The following CACNA1D variants were observed in gnomAD, a reference collection of about 807,000 sequenced individuals.
CACNA1D encodes the protein voltage-dependent L-type calcium channel subunit alpha-1D.
Under a neutral mutation model 257.1 loss-of-function variants are expected in CACNA1D, and 55 were observed. The ratio of observed to expected loss-of-function variants is 0.21; its 90% confidence interval spans 0.17 to 0.27. The LOEUF (loss-of-function observed/expected upper bound fraction) is 0.27. CACNA1D is among the 10% of genes least tolerant of loss of function. The pLI, the probability that CACNA1D is intolerant of heterozygous loss-of-function variation, is 1.00. For missense variants in CACNA1D, 1,876 were observed against 2,784.0 expected (o/e 0.67, Z 7.34); for synonymous variants, 980 against 1,014.9 (o/e 0.97, Z 0.65).
chr3:53,742,349 T>A (rs2095126007), intron 21 of CACNA1D, among the ~76,000 whole-genome samples: 1 of 152,198 alleles, frequency 6.6e-6, no homozygotes, highest in African/African-American at 2.4e-5. Flanking sequence ...CCAATAGAAA[T>A]CTCACTGAAG....
At position 53,504,062 on chromosome 3, in the gene CACNA1D, T is replaced by G. The variant is rs142955325; in HGVS notation, c.483+2342T>G. Reference sequence around the variant, plus strand: ...TGAGGGAGCTGGTTTTTTGTTTTTTTTTTTTTAAATACATTTGACCCAATT... The same window carrying G: ...TGAGGGAGCTGGTTTTTTGTTTTTTGTTTTTTAAATACATTTGACCCAATT... On this transcript the variant is annotated intron_variant, in intron 3 of 47. Coordinates refer to ENST00000350061, the MANE Select transcript of CACNA1D (RefSeq NM_001128840.3). 5.3e-5 allele frequency among the ~76,000 whole-genome samples: 8 copies of G among 152,184 alleles called. No individual in the cohort carries two copies. In the East Asian group the frequency reaches 7.7e-4, roughly 15 times the overall value.
In CACNA1D at chr3:53,587,196, A is replaced by G. The variant is rs944025197; in HGVS notation, c.484-63583A>G. On this transcript the variant is annotated intron_variant, in intron 3 of 47. Transcript: ENST00000350061. ...GAAACATGTGGGGAGGGGCAAGAACAAAACTGGAGAGCCAGAGCAGGCAGC... is the reference window on the plus strand; with the variant it reads ...GAAACATGTGGGGAGGGGCAAGAACGAAACTGGAGAGCCAGAGCAGGCAGC... 3.9e-5 allele frequency among the ~76,000 whole-genome samples: 6 copies of G among 152,362 alleles called. No homozygotes were observed. In the South Asian group the frequency reaches 1.2e-3, roughly 32 times the overall value.
chr3:53,593,263 A>G (rs1264481827), intron 3 of CACNA1D, among the ~76,000 whole-genome samples: 4 of 152,202 alleles, frequency 2.6e-5, no homozygotes, highest in African/African-American at 9.6e-5. Context: ...ATTTTATGAG[A>G]CAGTGTAATG....
chr3:53,507,564 G>A (rs2090910624), intron 3 of CACNA1D, among the ~76,000 whole-genome samples: 2 of 151,948 alleles, frequency 1.3e-5, no homozygotes. Context: ...ACTATAGTGA[G>A]CTGTGATTAT....
intron 22 of CACNA1D, among the ~76,000 whole-genome samples, chr3:53,744,008 A>C (rs2095142638): frequency 6.6e-6 from 1 of 152,144 alleles, no homozygotes; most frequent in Non-Finnish European, 1.5e-5. Flanking sequence ...CAGGCTGTTC[A>C]TGTCCAAGCT....
chr3:53,675,619 C>CGG (rs1436762406), intron 8 of CACNA1D, among the ~76,000 whole-genome samples: 2 of 151,708 alleles, frequency 1.3e-5, no homozygotes, highest in Non-Finnish European at 2.9e-5. Flanking sequence ...AAAAGATGGG[C>CGG]GGGGGGGCTT....
In CACNA1D at chr3:53,800,080, A is replaced by G. The variant is rs1464502932; in HGVS notation, c.4924-169A>G. On this transcript the variant is annotated intron_variant, in intron 40 of 47. Transcript: ENST00000350061. This position sits in a 1 kb window ranked among gnomAD's most constrained non-coding sequence, Gnocchi z 4.3. Reference sequence around the variant, plus strand: ...TTCTTGACCCTCTGGATGCCTGACCATACCAACAACCCTTAGACTGCCTTC... The same window carrying G: ...TTCTTGACCCTCTGGATGCCTGACCGTACCAACAACCCTTAGACTGCCTTC... 2 of 723,266 alleles carry G rather than the reference A, an allele frequency of 2.8e-6. No individual in the cohort carries two copies. Among genetic ancestry groups the G allele is most frequent in the African/African-American group, 1.7e-5 (1 of 57,902 alleles). The allele number at this position is 723,266 out of a possible 1,614,324, so 44.8% of individuals were successfully genotyped here. A position where few individuals can be genotyped will look rare whatever the true frequency, so the allele number is the denominator to read the frequency against.
intron 29 of CACNA1D, among the ~76,000 whole-genome samples, chr3:53,759,260 C>T (rs957858829): frequency 2.6e-5 from 4 of 152,228 alleles, no homozygotes; most frequent in African/African-American, 9.6e-5. Context: ...CATCACAGTG[C>T]ACCAGCATTG....
chr3:53,687,528 A>T (rs1413945557), intron 8 of CACNA1D, among the ~76,000 whole-genome samples: 1 of 152,140 alleles, frequency 6.6e-6, no homozygotes, highest in Admixed American at 6.5e-5. Context: ...TAAAAAAAAA[A>T]AAATAAGCTG....
intron 3 of CACNA1D, among the ~76,000 whole-genome samples, chr3:53,602,287 T>G (rs1262540790): frequency 6.6e-6 from 1 of 152,252 alleles, no homozygotes. Flanking sequence ...GTGACAGGGT[T>G]TCATTCTTTT....
chr3:53,743,312 G>A (rs1041215253), intron 22 of CACNA1D, among the ~76,000 whole-genome samples, 195 bp downstream of exon 22: 1 of 151,958 alleles, frequency 6.6e-6, no homozygotes, highest in African/African-American at 2.4e-5. Flanking sequence ...TTCTTTTTGT[G>A]CCTGCTGCTA....
chr3:53,669,957 T>G (rs977105408), intron 7 of CACNA1D, among the ~76,000 whole-genome samples: 5 of 152,236 alleles, frequency 3.3e-5, no homozygotes, highest in African/African-American at 1.2e-4. Context: ...CCCTTCAACT[T>G]AGAGGAAATT....
At chr3:53,538,418 A>G (rs751640904) in intron 3 of CACNA1D, among the ~76,000 whole-genome samples, 3 of 152,132 alleles carry the variant, frequency 2.0e-5, no homozygotes, top group East Asian at 3.9e-4. Context: ...CGGCCTCCCA[A>G]AGTGCTGGGA....
chr3:53,767,565 CA>C (rs397792487), intron 30 of CACNA1D, among the ~76,000 whole-genome samples: 33,889 of 130,272 alleles, frequency 0.26, 3,992 homozygotes, highest in African/African-American at 0.31. Flanking sequence ...GACTCTATCT[CA>C]AAAAAAAAAA....
intron 3 of CACNA1D, among the ~76,000 whole-genome samples, chr3:53,614,679 G>A (rs2093618163): frequency 6.6e-6 from 1 of 152,216 alleles, no homozygotes; most frequent in African/African-American, 2.4e-5. Context: ...GAATGGAGAG[G>A]TAATCAGTGT....
intron 20 of CACNA1D, among the ~76,000 whole-genome samples, chr3:53,739,554 G>T (rs2095094226): frequency 6.6e-6 from 1 of 152,188 alleles, no homozygotes; most frequent in Admixed American, 6.5e-5. Context: ...TGAGGATAGA[G>T]TTGCCTGGAC....
chr3:53,550,184 G>C (rs2092501773), intron 3 of CACNA1D, among the ~76,000 whole-genome samples: 1 of 152,270 alleles, frequency 6.6e-6, no homozygotes, highest in East Asian at 1.9e-4. Flanking sequence ...TGCTGACCAG[G>C]GCACGTGGGA....
At chr3:53,784,767 C>T (rs529791961) in intron 39 of CACNA1D, among the ~76,000 whole-genome samples, 6 of 152,268 alleles carry the variant, frequency 3.9e-5, no homozygotes, top group South Asian at 4.1e-4. Flanking sequence ...CAGACAACAG[C>T]GTGTCCACTT....
intron 8 of CACNA1D, among the ~76,000 whole-genome samples, chr3:53,701,075 GC>G (rs2094620739): frequency 6.6e-6 from 1 of 151,806 alleles, no homozygotes. Context: ...CATCTGTTCA[GC>G]CCCTCGACAG....
Sources: allele counts gnomAD v4.1 joint callset (sites outside exome capture counted in the v4.1 genomes callset), GRCh38; gene constraint gnomAD v4.1.1; non-coding constraint Gnocchi (gnomAD v3.1); transcripts MANE v1.5; gene names NCBI Gene and HGNC (gene_info 2026-07-23, HGNC 2026-07-21).